FARS2: variants seen among roughly 807,000 people sequenced by gnomAD.
FARS2 encodes the protein phenylalanyl-tRNA synthetase 2, mitochondrial.
Under a neutral mutation model 46.4 loss-of-function variants are expected in FARS2, and 40 were observed. The ratio of observed to expected loss-of-function variants is 0.86; its 90% CI spans 0.67 to 1.12. The LOEUF (loss-of-function observed/expected upper bound fraction) is 1.12. Ranked by LOEUF, FARS2 falls within the 50% of genes most tolerant of loss-of-function variation. FARS2 has a pLI of 0.00. For synonymous variants in FARS2, 234 were observed against 214.9 expected (o/e 1.09, Z -0.78); for missense variants, 513 against 567.9 (o/e 0.90, Z 0.98).
Position 5,659,393 on chromosome 6 carries a change from A to C in FARS2, c.1217+46073A>C, listed in dbSNP as rs559468380. 2.3e-4 allele frequency among the ~76,000 whole-genome samples: 35 copies of C among 152,340 alleles called. 1 individual carries two copies. The highest frequency in any genetic ancestry group is 1.7e-3 in the South Asian group (8 of 4,832). On this transcript the variant is annotated intron_variant, in intron 6 of 6. Coordinates refer to ENST00000274680, the MANE Select transcript of FARS2 (RefSeq NM_006567.5). Reference sequence around the variant, plus strand: ...CTCACGTTCACTCTGCACAAGGACAAATAAAAAAAGGCCCTGCCATCCCTT... The same window carrying C: ...CTCACGTTCACTCTGCACAAGGACACATAAAAAAAGGCCCTGCCATCCCTT...
intron 6 of FARS2, among the ~76,000 whole-genome samples, chr6:5,634,544 G>A (rs1165373299): frequency 2.6e-5 from 4 of 152,058 alleles, no homozygotes; most frequent in South Asian, 2.1e-4. Context: ...GGCTGGGCTC[G>A]AACTCCTGGG....
At chr6:5,292,101 G>T (rs1260680724) in intron 1 of FARS2, among the ~76,000 whole-genome samples, 1 of 152,158 alleles carries the variant, frequency 6.6e-6, no homozygotes, top group East Asian at 1.9e-4. Context: ...AGGTAAGCAG[G>T]TGAAGGGGCT....
At chr6:5,623,221 AGTGTC>A (rs1775862608) in intron 6 of FARS2, among the ~76,000 whole-genome samples, 2 of 152,256 alleles carry the variant, frequency 1.3e-5, no homozygotes, top group African/African-American at 4.8e-5. Flanking sequence ...GTAAAAAGCC[AGTGTC>A]ATAGTCAATC....
At chr6:5,400,654 G>A (rs556821928) in intron 2 of FARS2, among the ~76,000 whole-genome samples, 22 of 150,614 alleles carry the variant, frequency 1.5e-4, no homozygotes, top group African/African-American at 5.1e-4. Flanking sequence ...TAAAATATAC[G>A]TATACATATT....
chr6:5,766,466 C>G (rs1762755312), intron 6 of FARS2, among the ~76,000 whole-genome samples: 1 of 152,262 alleles, frequency 6.6e-6, no homozygotes, highest in Non-Finnish European at 1.5e-5. Flanking sequence ...CAGCTGTGCC[C>G]TCTGTTGGTG....
At chr6:5,610,313 A>ATTT (rs1775105926) in intron 5 of FARS2, 1 of 348,490 alleles carries the variant, frequency 2.9e-6, no homozygotes, top group African/African-American at 2.2e-5. Context: ...ATTCTTTTTA[A>ATTT]AAAAAAAAAA....
chr6:5,501,953 C>T (rs569332947), intron 4 of FARS2, among the ~76,000 whole-genome samples: 7 of 152,218 alleles, frequency 4.6e-5, no homozygotes, highest in Admixed American at 1.3e-4. Context: ...AAATCTAAAT[C>T]TGTCCAGCAA....
chr6:5,669,351 A>T (rs971548747), intron 6 of FARS2, among the ~76,000 whole-genome samples: 1 of 152,052 alleles, frequency 6.6e-6, no homozygotes, highest in Non-Finnish European at 1.5e-5. Context: ...AGTGTTGTCC[A>T]TTCCTATCAC....
intron 1 of FARS2, among the ~76,000 whole-genome samples, chr6:5,318,010 G>A (rs1192737924): frequency 6.6e-6 from 1 of 152,030 alleles, no homozygotes; most frequent in Non-Finnish European, 1.5e-5. Flanking sequence ...TGCAGTTCAT[G>A]AGCCACGTGT....
At chr6:5,251,799 G>A in the FARS2 span, among the ~76,000 whole-genome samples, 1 of 152,148 alleles carries the variant, frequency 6.6e-6, no homozygotes, top group Non-Finnish European at 1.5e-5. Flanking sequence ...GGCAGTCACT[G>A]TTAAAAGATC....
chr6:5,409,621 G>A (rs1013881910), intron 3 of FARS2, among the ~76,000 whole-genome samples: 1 of 152,172 alleles, frequency 6.6e-6, no homozygotes, highest in African/African-American at 2.4e-5. Flanking sequence ...CTTTTTGTCT[G>A]TAAGACTGAG....
At chr6:5,342,616 A>C (rs902953059) in intron 1 of FARS2, among the ~76,000 whole-genome samples, 1 of 152,038 alleles carries the variant, frequency 6.6e-6, no homozygotes, top group African/African-American at 2.4e-5. Flanking sequence ...GCCAGGCTTG[A>C]TGGTGCATGC....
intron 4 of FARS2, among the ~76,000 whole-genome samples, chr6:5,435,045 T>C (rs999642294): frequency 3.9e-5 from 6 of 152,210 alleles, no homozygotes; most frequent in African/African-American, 1.4e-4. Flanking sequence ...GATGCTGTTA[T>C]AACCCGTGTT....
At chr6:5,607,476 G>T (rs914329021) in intron 5 of FARS2, among the ~76,000 whole-genome samples, 7 of 152,010 alleles carry the variant, frequency 4.6e-5, no homozygotes, top group Non-Finnish European at 7.4e-5. Context: ...CACAAATGAA[G>T]ATGGTATAAA....
chr6:5,568,208 T>C (rs1336379812), intron 5 of FARS2, among the ~76,000 whole-genome samples: 3 of 152,170 alleles, frequency 2.0e-5, no homozygotes, highest in African/African-American at 7.2e-5. Flanking sequence ...ACTCTTGTAA[T>C]ATGCGGTTCT....
upstream of FARS2, among the ~76,000 whole-genome samples, chr6:5,258,943 T>C (rs1764806546): frequency 6.6e-6 from 1 of 152,226 alleles, no homozygotes; most frequent in African/African-American, 2.4e-5. Context: ...AATTACTCAT[T>C]TGAAAACGCT....
rs566205929 is a variant in FARS2, at chr6:5,604,207, C to T, written c.1066-8962C>T. Among the ~76,000 whole-genome samples, 7 of 152,242 alleles carry T rather than the reference C, an allele frequency of 4.6e-5. No homozygotes were observed. In the South Asian group the frequency reaches 1.5e-3, roughly 32 times the overall value. On this transcript the variant is annotated intron_variant, in intron 5 of 6. Transcript: ENST00000274680. Reference sequence around the variant, plus strand: ...GGATATGTGCGAGGTTGCCAGGGGGCCCTGACAGAGCCGTTCCTCTGTCAT... The same window carrying T: ...GGATATGTGCGAGGTTGCCAGGGGGTCCTGACAGAGCCGTTCCTCTGTCAT...
Position 5,369,089 on chromosome 6 carries a change from G to A in FARS2, c.519G>A (p.Val173=). Reference sequence around the variant, plus strand: ...ACGCGGGACTGGATGCCTTCCTGGTGGTGGGTGATGTCTACAGGCGTGACC... The same window carrying A: ...ACGCGGGACTGGATGCCTTCCTGGTAGTGGGTGATGTCTACAGGCGTGACC... ...LLHAGLDAFL[V]VGDVYRRDQI... The change falls in exon 2 of 7, where the codon GTG becomes GTA. Residue 173 remains valine (V), a synonymous_variant. Transcript: ENST00000274680. The A allele has an allele frequency of 6.2e-7, 1 of 1,613,908 alleles. No homozygotes were observed. The highest frequency in any genetic ancestry group is 8.5e-7 in the Non-Finnish European group (1 of 1,180,000).
intron 1 of FARS2, among the ~76,000 whole-genome samples, chr6:5,298,829 C>G (rs1015461751): frequency 7.0e-6 from 1 of 143,046 alleles, no homozygotes; most frequent in Non-Finnish European, 1.5e-5. Flanking sequence ...TGCCACCGCA[C>G]TGCAGCCTGG....
Sources: allele counts gnomAD v4.1 joint callset (sites outside exome capture counted in the v4.1 genomes callset), GRCh38; gene constraint gnomAD v4.1.1; transcripts MANE v1.5; gene names NCBI Gene and HGNC (gene_info 2026-07-23, HGNC 2026-07-21).